Variants in DERA observed in about 807,000 individuals in gnomAD.
The protein encoded by DERA is 2-deoxy-D-ribose 5-phosphate aldolase.
In DERA, 15 loss-of-function variants were observed where a neutral mutation model predicts 41.1. That is an observed-to-expected ratio of 0.37 (90% CI 0.24 to 0.56). DERA has a LOEUF of 0.56. DERA is among the 20% of genes least tolerant of loss of function. The probability of loss-of-function intolerance (pLI) is 0.81; values close to 1 mark genes in which losing one functional copy is unlikely to be tolerated. For synonymous variants in DERA, 139 were observed against 137.4 expected, an observed-to-expected ratio of 1.01 and a Z score of -0.08; for missense variants, 396 against 403.4, an observed-to-expected ratio of 0.98 and a Z score of 0.16.
rs1948551836 is a variant in DERA at position 15,957,819 on chromosome 12, G to A, written c.130-369G>A. ...CAGATCCCAGAGCGGGAGGTAAAATGTAAGGTAGAAACCTTCTTTCGGAGT... is the reference window on the plus strand; with the variant it reads ...CAGATCCCAGAGCGGGAGGTAAAATATAAGGTAGAAACCTTCTTTCGGAGT... On this transcript the variant is annotated intron_variant, in intron 2 of 8. Transcript: ENST00000428559. The surrounding 1 kb of genome is among the most constrained non-coding windows in gnomAD (Gnocchi z 4.8). Among the ~76,000 whole-genome samples, 1 of 152,194 alleles carries A rather than the reference G, an allele frequency of 6.6e-6. No homozygotes were observed. Among genetic ancestry groups the A allele is most frequent in the African/African-American group, 2.4e-5 (1 of 41,442 alleles).
chr12:15,913,279 A>T lies in DERA; in HGVS notation c.31+1865A>T, dbSNP rs976725218. On this transcript the variant is annotated intron_variant, in intron 1 of 8. Coordinates refer to ENST00000428559, the MANE Select transcript of DERA (RefSeq NM_015954.4). The surrounding 1 kb of genome is among the most constrained non-coding windows in gnomAD (Gnocchi z 4.5). The stretch of plus-strand genomic sequence containing the variant: ...TTTTTATGCAGCTATCGAAATGATC[A>T]TAGCTTTGTATTTATTATCTTATTT... Among the ~76,000 whole-genome samples, 1 of 152,226 alleles carries T rather than the reference A, an allele frequency of 6.6e-6. No homozygotes were observed. Among genetic ancestry groups the T allele is most frequent in the African/African-American group, 2.4e-5 (1 of 41,444 alleles).
rs916946231 is a variant in DERA, at chr12:15,965,193, A to C, written c.508+2246A>C. ...TAAAATAATTTCTTGGAATTTGTGG[A>C]TGGAAATGTCTATCAAGCAATTGCA... On this transcript the variant is annotated intron_variant, in intron 5 of 8. Transcript: ENST00000428559. This position sits in a 1 kb window ranked among gnomAD's most constrained non-coding sequence, Gnocchi z 4.1. 1.3e-5 allele frequency among the ~76,000 whole-genome samples: 2 copies of C among 152,166 alleles called. No individual in the cohort carries two copies. The highest frequency in any genetic ancestry group is 1.3e-4 in the Admixed American group (2 of 15,260).
intron 1 of DERA, among the ~76,000 whole-genome samples, chr12:15,952,619 GA>G (rs1257963318): frequency 1.3e-5 from 2 of 152,198 alleles, no homozygotes; most frequent in African/African-American, 4.8e-5. Flanking sequence ...ATTTCATTGT[GA>G]AATCAATGTT....
rs954036060 is a variant in DERA, at chr12:15,990,815, G to A, written c.637+8379G>A. On this transcript the variant is annotated intron_variant, in intron 6 of 8. Transcript: ENST00000428559. The surrounding 1 kb of genome is among the most constrained non-coding windows in gnomAD (Gnocchi z 4.3). ...TTTTTATGGCTGGATAGTAGTCCAT[G>A]GTGCATATATATACACCACATTTTA... Among the ~76,000 whole-genome samples the A allele has an allele frequency of 6.6e-6, 1 of 152,000 alleles. No individual in the cohort carries two copies. Among genetic ancestry groups the A allele is most frequent in the African/African-American group, 2.4e-5 (1 of 41,388 alleles).
intron 1 of DERA, among the ~76,000 whole-genome samples, chr12:15,939,398 T>C (rs1370102847): frequency 1.3e-5 from 2 of 152,216 alleles, no homozygotes; most frequent in Non-Finnish European, 2.9e-5. Flanking sequence ...GTGGTTGTTA[T>C]GTAACAAAAG....
At chr12:15,971,903 AG>A in intron 5 of DERA, 1 of 330,800 alleles carries the variant, frequency 3.0e-6, no homozygotes. Flanking sequence ...ATCTTCAGTG[AG>A]GGCAGATGTT....
chr12:15,962,684 G>A (rs1013957535), intron 4 of DERA, 129 bp from the exon 5 acceptor site: 1 of 681,208 alleles, frequency 1.5e-6, no homozygotes, highest in African/African-American at 1.8e-5. Flanking sequence ...AAATGCTGAT[G>A]TTTGGGGGTT....
intron 5 of DERA, among the ~76,000 whole-genome samples, chr12:15,979,240 G>A (rs1948717665): frequency 6.6e-6 from 1 of 152,152 alleles, no homozygotes; most frequent in Non-Finnish European, 1.5e-5. Flanking sequence ...AGGGAATAAG[G>A]AGCAGAGAAC....
In DERA at chr12:15,911,771, CCTT is replaced by C. The variant is rs931080733; in HGVS notation, c.31+361_31+363del. On this transcript the variant is annotated intron_variant, in intron 1 of 8. Coordinates refer to ENST00000428559, the MANE Select transcript of DERA (RefSeq NM_015954.4). The surrounding 1 kb of genome is among the most constrained non-coding windows in gnomAD (Gnocchi z 4.5). The stretch of plus-strand genomic sequence containing the variant: ...CCAAGCAGGTAAAAACAGATAAAAA[CCTT>C]CTTTCTCCTCCTTTTAATAGAATAC... 1.1e-5 allele frequency: 6 copies of C among 546,826 alleles called. No homozygotes were observed. The highest frequency in any genetic ancestry group is 1.9e-5 in the African/African-American group (1 of 53,352). The allele number at this position is 546,826 out of a possible 1,614,324, so 33.9% of individuals were successfully genotyped here.
Position 16,026,406 on chromosome 12 carries a change from G to C in DERA, c.638-6136G>C, listed in dbSNP as rs561573260. ...AGGATTATAAAGGAATGTGTGAACA[G>C]CTCTATTTTCACAAATTTGATAACT... On this transcript the variant is annotated intron_variant, in intron 6 of 8. Coordinates refer to ENST00000428559, the MANE Select transcript of DERA (RefSeq NM_015954.4). The surrounding 1 kb of genome is among the most constrained non-coding windows in gnomAD (Gnocchi z 4.4). Among the ~76,000 whole-genome samples the C allele has an allele frequency of 2.0e-5, 3 of 151,812 alleles. No homozygotes were observed. In the South Asian group the frequency reaches 6.2e-4, roughly 31 times the overall value.
chr12:15,996,987 C>T lies in DERA; in HGVS notation c.637+14551C>T, dbSNP rs1164191063. Among the ~76,000 whole-genome samples the T allele has an allele frequency of 6.6e-6, 1 of 152,104 alleles. No individual in the cohort carries two copies. The highest frequency in any genetic ancestry group is 1.5e-5 in the Non-Finnish European group (1 of 68,010). On this transcript the variant is annotated intron_variant, in intron 6 of 8. Coordinates refer to ENST00000428559, the MANE Select transcript of DERA (RefSeq NM_015954.4). The surrounding 1 kb of genome is among the most constrained non-coding windows in gnomAD (Gnocchi z 4.7). Reference sequence around the variant, plus strand: ...GATAAATTTGCTTATGAGCAAGAGACAGATACTAACAGTAGAAGGAAATAC... The same window carrying T: ...GATAAATTTGCTTATGAGCAAGAGATAGATACTAACAGTAGAAGGAAATAC...
In DERA at chr12:15,999,003, C is replaced by T. The variant is rs1351056763; in HGVS notation, c.637+16567C>T. ...TTCTGATAGCACTATCAAGATTTCA[C>T]CTCCTTTCATCTTCAACATATTAGA... On this transcript the variant is annotated intron_variant, in intron 6 of 8. Coordinates refer to ENST00000428559, the MANE Select transcript of DERA (RefSeq NM_015954.4). The surrounding 1 kb of genome is among the most constrained non-coding windows in gnomAD (Gnocchi z 5.3). Among the ~76,000 whole-genome samples the T allele has an allele frequency of 1.3e-5, 2 of 152,178 alleles. No homozygotes were observed. Among genetic ancestry groups the T allele is most frequent in the African/African-American group, 4.8e-5 (2 of 41,446 alleles).
Position 15,965,840 on chromosome 12 carries a change from C to CTAAATTCCTTCT in DERA, c.508+2894_508+2895insAAATTCCTTCTT, listed in dbSNP as rs1420119967. On this transcript the variant is annotated intron_variant, in intron 5 of 8. Transcript: ENST00000428559. The surrounding 1 kb of genome is among the most constrained non-coding windows in gnomAD (Gnocchi z 4.1). ...CTTTTCTTTGCTTCTTCCTTTGCTC[C>CTAAATTCCTTCT]TTCCTCCTAAATTCCTTCCCTCGAC... Among the ~76,000 whole-genome samples the CTAAATTCCTTCT allele has an allele frequency of 6.6e-6, 1 of 152,086 alleles. No homozygotes were observed. The highest frequency in any genetic ancestry group is 2.4e-5 in the African/African-American group (1 of 41,428).
At chr12:15,934,544 G>T (rs368126465) in intron 1 of DERA, among the ~76,000 whole-genome samples, 1 of 151,802 alleles carries the variant, frequency 6.6e-6, no homozygotes, top group East Asian at 1.9e-4. Context: ...AGCCGAGATC[G>T]TGCCACTGCA....
At chr12:15,947,199 G>C (rs1948456858) in intron 1 of DERA, among the ~76,000 whole-genome samples, 1 of 152,204 alleles carries the variant, frequency 6.6e-6, no homozygotes, top group South Asian at 2.1e-4. Context: ...TTAGGGTGGA[G>C]AGTTCTGTAG....
In DERA at chr12:15,957,875, C is replaced by A. The variant is rs1338894553; in HGVS notation, c.130-313C>A. Among the ~76,000 whole-genome samples the A allele has an allele frequency of 1.3e-5, 2 of 152,132 alleles. No homozygotes were observed. The highest frequency in any genetic ancestry group is 4.8e-5 in the African/African-American group (2 of 41,428). On this transcript the variant is annotated intron_variant, in intron 2 of 8. Coordinates refer to ENST00000428559, the MANE Select transcript of DERA (RefSeq NM_015954.4). The surrounding 1 kb of genome is among the most constrained non-coding windows in gnomAD (Gnocchi z 4.8). ...TTTGTCAGGGTGGCTCTGATGGGCT[C>A]TCCCTTTGGCTGAGATGGAGTAGTC...
At chr12:15,948,171 G>T (rs1046188436) in intron 1 of DERA, among the ~76,000 whole-genome samples, 2 of 152,098 alleles carry the variant, frequency 1.3e-5, no homozygotes, top group Admixed American at 1.3e-4. Flanking sequence ...GAATCTGACA[G>T]TTAGGTGTCT....
chr12:16,032,129 T>C (rs952064503), intron 6 of DERA, among the ~76,000 whole-genome samples: 5 of 152,226 alleles, frequency 3.3e-5, no homozygotes, highest in Admixed American at 2.0e-4. Context: ...GTATACTGTG[T>C]ACTTTTCATT....
intron 5 of DERA, among the ~76,000 whole-genome samples, chr12:15,979,225 C>A (rs1025458803): frequency 6.6e-6 from 1 of 152,090 alleles, no homozygotes; most frequent in African/African-American, 2.4e-5. Context: ...AAAAGCAGGA[C>A]CATGAGGGAA....
Sources: gnomAD v4.1 joint callset for allele counts (sites outside exome capture counted in the v4.1 genomes callset) on GRCh38, gnomAD v4.1.1 for gene constraint, Gnocchi (gnomAD v3.1) non-coding constraint, MANE v1.5 for transcripts, NCBI Gene and HGNC (gene_info 2026-07-23, HGNC 2026-07-21) for gene names.